TENM2: variants seen among roughly 807,000 people sequenced by gnomAD.
TENM2 encodes the protein teneurin transmembrane protein 2, also known as teneurin-2.
Under a neutral mutation model 245.2 loss-of-function variants are expected in TENM2, and 52 were observed. The observed-to-expected ratio is 0.21, with a 90% CI of 0.17 to 0.27. TENM2 has a LOEUF of 0.27. Ranked by LOEUF, TENM2 falls within the 10% of genes least tolerant of loss-of-function variation. The pLI, the probability that TENM2 is intolerant of heterozygous loss-of-function variation, is 1.00. For missense variants in TENM2, 3,046 were observed against 3,666.8 expected (o/e 0.83, Z 4.37); for synonymous variants, 1,363 against 1,438.9 (o/e 0.95, Z 1.19).
the TENM2 span, among the ~76,000 whole-genome samples, chr5:167,238,989 T>G: frequency 6.6e-6 from 1 of 152,216 alleles, no homozygotes; most frequent in African/African-American, 2.4e-5. Flanking sequence ...TAGCAGTATT[T>G]GCATACTTGG....
intron 2 of TENM2, among the ~76,000 whole-genome samples, chr5:167,565,863 G>A (rs903811601): frequency 6.6e-6 from 1 of 152,078 alleles, no homozygotes; most frequent in Non-Finnish European, 1.5e-5. Flanking sequence ...GATTTAACTG[G>A]CGTCTATATT....
At chr5:167,251,435 T>TA in the TENM2 span, among the ~76,000 whole-genome samples, 1 of 152,156 alleles carries the variant, frequency 6.6e-6, no homozygotes, top group African/African-American at 2.4e-5. Flanking sequence ...TATATATCTA[T>TA]TATGCTTTTA....
intron 1 of TENM2, among the ~76,000 whole-genome samples, chr5:167,328,219 T>A (rs996350797): frequency 6.7e-6 from 1 of 149,488 alleles, no homozygotes; most frequent in Non-Finnish European, 1.5e-5. Flanking sequence ...TTTTTTTTTT[T>A]TTTTTTTTGA....
intron 2 of TENM2, among the ~76,000 whole-genome samples, chr5:167,797,469 A>C (rs2150928180): frequency 6.6e-6 from 1 of 152,278 alleles, no homozygotes; most frequent in Middle Eastern, 3.4e-3. Context: ...CCCATTATGG[A>C]CTAATTTGAA....
In TENM2 at chr5:167,500,014, ATG is replaced by A. The variant is rs1190895951; in HGVS notation, c.502+124545_502+124546del. On this transcript the variant is annotated intron_variant, in intron 2 of 28. Coordinates refer to ENST00000518659, the Ensembl canonical transcript of TENM2. ...TATGTGAGGGTGTATGTGTGTGTGTATGTGTATGTGAGGGTGTGTGTGTGTGT... is the reference window on the plus strand; with the variant it reads ...TATGTGAGGGTGTATGTGTGTGTGTATGTATGTGAGGGTGTGTGTGTGTGT... Among the ~76,000 whole-genome samples, 801 of 106,192 alleles carry A rather than the reference ATG, an allele frequency of 7.5e-3. 6 individuals are homozygous for A. The highest frequency in any genetic ancestry group is 0.028 in the African/African-American group (768 of 27,152). The allele number at this position is 106,192 out of a possible 152,430, so 69.7% of individuals were successfully genotyped here. A position where few individuals can be genotyped will look rare whatever the true frequency, so the allele number is the denominator to read the frequency against.
chr5:167,323,177 A>T (rs1756870936), intron 1 of TENM2, among the ~76,000 whole-genome samples: 1 of 152,162 alleles, frequency 6.6e-6, no homozygotes, highest in South Asian at 2.1e-4. Flanking sequence ...AACTTTTGAG[A>T]CTACCTAGTC....
chr5:167,229,592 G>A, the TENM2 span, among the ~76,000 whole-genome samples: 1 of 152,192 alleles, frequency 6.6e-6, no homozygotes, highest in Admixed American at 6.5e-5. Flanking sequence ...AGCTCTGATG[G>A]TAGCAGCACA....
At chr5:167,956,356 T>C (rs374106251) in intron 4 of TENM2, among the ~76,000 whole-genome samples, 5 of 152,220 alleles carry the variant, frequency 3.3e-5, no homozygotes, top group East Asian at 3.9e-4. Context: ...CTTATCACCT[T>C]AAGGAGATTT....
intron 2 of TENM2, among the ~76,000 whole-genome samples, chr5:167,440,984 T>C (rs932187779): frequency 6.6e-6 from 1 of 152,136 alleles, no homozygotes; most frequent in Non-Finnish European, 1.5e-5. Context: ...TGTTCCAAAC[T>C]GCTATTTGCT....
rs575622618 is a variant in TENM2, at chr5:167,347,860, T to C, written c.227-27338T>C. Among the ~76,000 whole-genome samples, 11 of 152,238 alleles carry C rather than the reference T, an allele frequency of 7.2e-5. No homozygotes were observed. The South Asian group carries it at 1.2e-3, about 17-fold the overall frequency. ...AAGGTACCTTCTCCCTTCATGGAGA[T>C]TGAATCATGGTAATTAGCTTTCATG... On this transcript the variant is annotated intron_variant, in intron 1 of 28. Transcript: ENST00000518659.
the TENM2 span, among the ~76,000 whole-genome samples, chr5:167,195,156 G>C: frequency 6.6e-6 from 1 of 152,048 alleles, no homozygotes; most frequent in Non-Finnish European, 1.5e-5. Flanking sequence ...CACCAGAAAA[G>C]AGCTCGGTAT....
At chr5:167,505,701 C>T (rs1489745072) in intron 2 of TENM2, among the ~76,000 whole-genome samples, 1 of 152,094 alleles carries the variant, frequency 6.6e-6, no homozygotes, top group East Asian at 1.9e-4. Context: ...TATAGCAACA[C>T]ATAAAATAGA....
intron 1 of TENM2, among the ~76,000 whole-genome samples, chr5:167,368,513 T>C (rs1304678021): frequency 6.6e-6 from 1 of 152,158 alleles, no homozygotes; most frequent in East Asian, 1.9e-4. Context: ...CAAGTTGAGA[T>C]TTTCTTGGTA....
At chr5:167,403,902 G>GTT (rs34472313) in intron 2 of TENM2, among the ~76,000 whole-genome samples, 3 of 136,822 alleles carry the variant, frequency 2.2e-5, no homozygotes, top group Admixed American at 7.3e-5. Context: ...TGCCACAACT[G>GTT]TTTTTTTTTT....
chr5:167,329,315 G>T lies in TENM2; in HGVS notation c.226+44252G>T, dbSNP rs369390435. ...AATCTCAGCACTTTGGGAGGCCGAG[G>T]CGGGCGGATCATGAGGTCAGGAGAT... On this transcript the variant is annotated intron_variant, in intron 1 of 28. Transcript: ENST00000518659. Among the ~76,000 whole-genome samples the T allele has an allele frequency of 6.6e-5, 10 of 151,666 alleles. No individual in the cohort carries two copies. In the East Asian group the frequency reaches 1.9e-3, roughly 29 times the overall value.
chr5:168,001,257 C>A (rs1784401394), intron 5 of TENM2, among the ~76,000 whole-genome samples: 1 of 152,126 alleles, frequency 6.6e-6, no homozygotes, highest in African/African-American at 2.4e-5. Context: ...GGTTAGGGGG[C>A]CATGTAAGCA....
intron 2 of TENM2, among the ~76,000 whole-genome samples, chr5:167,658,121 T>A (rs938985783): frequency 1.3e-5 from 2 of 152,100 alleles, no homozygotes; most frequent in Non-Finnish European, 2.9e-5. Context: ...ATGTTCAATA[T>A]CAAAGCAACA....
chr5:168,223,470 C>CTTT lies in TENM2; in HGVS notation c.5109-2604_5109-2602dup, dbSNP rs34029248. Among the ~76,000 whole-genome samples the CTTT allele has an allele frequency of 9.9e-3, 1,356 of 137,012 alleles. 52 individuals carry two copies. Among genetic ancestry groups the CTTT allele is most frequent in the African/African-American group, 0.032 (1,161 of 36,244 alleles). The allele number at this position is 137,012 out of a possible 152,430, so 89.9% of individuals were successfully genotyped here. On this transcript the variant is annotated intron_variant, in intron 23 of 28. Coordinates refer to ENST00000518659, the Ensembl canonical transcript of TENM2. ...TGAAAGTATTGATTACAAGTAATTT[C>CTTT]TTTTTTTTTTTTTTTTGAGACGGAG...
At chr5:167,109,894 G>T in the TENM2 span, among the ~76,000 whole-genome samples, 1 of 152,134 alleles carries the variant, frequency 6.6e-6, no homozygotes, top group East Asian at 1.9e-4. Flanking sequence ...AAATCTTTTG[G>T]CTGGAAGAAT....
Sources: gnomAD v4.1 joint callset for allele counts (sites outside exome capture counted in the v4.1 genomes callset) on GRCh38, gnomAD v4.1.1 for gene constraint, MANE v1.5 for transcripts, NCBI Gene and HGNC (gene_info 2026-07-23, HGNC 2026-07-21) for gene names.